GPC5: variants seen among roughly 807,000 people sequenced by gnomAD.
GPC5 encodes glypican 5.
Under a neutral mutation model 53.9 loss-of-function variants are expected in GPC5, and 47 were observed. That is an observed-to-expected ratio of 0.87 (90% CI 0.69 to 1.11). The LOEUF is 1.11. GPC5 is among the 50% of genes most tolerant of loss of function. GPC5 has a pLI of 0.00. For synonymous variants in GPC5, 286 were observed against 263.3 expected (o/e 1.09, Z -0.84); for missense variants, 748 against 713.1 (o/e 1.05, Z -0.56).
chr13:92,275,961 G>T (rs1186034237), intron 7 of GPC5, among the ~76,000 whole-genome samples: 1 of 152,022 alleles, frequency 6.6e-6, no homozygotes, highest in Non-Finnish European at 1.5e-5. Flanking sequence ...TTATTTCAAA[G>T]GAAAACATAT....
At chr13:92,460,344 A>G (rs1480539291) in intron 7 of GPC5, among the ~76,000 whole-genome samples, 2 of 152,174 alleles carry the variant, frequency 1.3e-5, no homozygotes, top group Non-Finnish European at 2.9e-5. Context: ...TGGCATGTAC[A>G]AGGCATACAT....
intron 7 of GPC5, among the ~76,000 whole-genome samples, chr13:92,785,102 C>A (rs1876169067): frequency 6.6e-6 from 1 of 152,002 alleles, no homozygotes; most frequent in Non-Finnish European, 1.5e-5. Context: ...ATGATGAAAC[C>A]CTGTCTCTAC....
chr13:92,670,752 G>T (rs1366626522), intron 7 of GPC5, among the ~76,000 whole-genome samples: 1 of 152,186 alleles, frequency 6.6e-6, no homozygotes, highest in African/African-American at 2.4e-5. Context: ...CCTATCTCTT[G>T]TGTCTACAAG....
At chr13:91,652,574 T>C (rs1157701635) in intron 2 of GPC5, among the ~76,000 whole-genome samples, 1 of 152,158 alleles carries the variant, frequency 6.6e-6, no homozygotes, top group Non-Finnish European at 1.5e-5. Flanking sequence ...AGGTAGGATA[T>C]ACAGCACAAA....
At chr13:91,644,910 G>A (rs911203378) in intron 2 of GPC5, among the ~76,000 whole-genome samples, 2 of 152,204 alleles carry the variant, frequency 1.3e-5, no homozygotes, top group South Asian at 4.1e-4. Context: ...CTTAAAGACT[G>A]TTACTCAACA....
At chr13:92,558,162 G>A (rs1008919220) in intron 7 of GPC5, among the ~76,000 whole-genome samples, 1 of 151,918 alleles carries the variant, frequency 6.6e-6, no homozygotes, top group Non-Finnish European at 1.5e-5. Flanking sequence ...AGACATCTGT[G>A]GCATAATTGA....
chr13:92,865,590 G>T (rs1263593593), intron 7 of GPC5, among the ~76,000 whole-genome samples: 1 of 151,990 alleles, frequency 6.6e-6, no homozygotes, highest in East Asian at 1.9e-4. Context: ...GCGCAGCATG[G>T]TAACTATCAT....
At chr13:92,634,863 T>C (rs1885363876) in intron 7 of GPC5, among the ~76,000 whole-genome samples, 1 of 152,066 alleles carries the variant, frequency 6.6e-6, no homozygotes. Context: ...ATTCCTTTAA[T>C]ATTTTAAGTT....
At chr13:91,461,366 A>G (rs190619820) in intron 2 of GPC5, among the ~76,000 whole-genome samples, 2 of 152,164 alleles carry the variant, frequency 1.3e-5, no homozygotes, top group Admixed American at 6.6e-5. Context: ...TTGTGATAGG[A>G]TAGGGAATAT....
At chr13:92,493,635 G>A (rs1287384756) in intron 7 of GPC5, among the ~76,000 whole-genome samples, 1 of 152,166 alleles carries the variant, frequency 6.6e-6, no homozygotes, top group Non-Finnish European at 1.5e-5. Context: ...CGTCTTGGTT[G>A]TGTTCAGAGT....
chr13:92,329,939 G>C (rs1157795995), intron 7 of GPC5, among the ~76,000 whole-genome samples: 1 of 152,094 alleles, frequency 6.6e-6, no homozygotes, highest in Admixed American at 6.6e-5. Context: ...AAGAGGCTTT[G>C]ATGTTTTTCA....
At chr13:91,535,324 C>T (rs1252072615) in intron 2 of GPC5, among the ~76,000 whole-genome samples, 2 of 152,038 alleles carry the variant, frequency 1.3e-5, no homozygotes, top group African/African-American at 4.8e-5. Flanking sequence ...TATATTGGTC[C>T]TCCAGTTGTC....
chr13:91,490,851 G>T (rs681903), intron 2 of GPC5, among the ~76,000 whole-genome samples: 79,884 of 151,876 alleles, frequency 0.53, 21,497 homozygotes, highest in Non-Finnish European at 0.6. Context: ...GCAGTTTATA[G>T]TCACCATCTC....
In GPC5 at chr13:92,502,552, C is replaced by T. The variant is rs148161293; in HGVS notation, c.1561+357563C>T. On this transcript the variant is annotated intron_variant, in intron 7 of 7. Transcript: ENST00000377067. ...TGAGAAAATAATATATATGCACACA[C>T]GAACAAAAACAAAGCTGGAGTGGCT... 1.8e-4 allele frequency among the ~76,000 whole-genome samples: 27 copies of T among 151,984 alleles called. No homozygotes were observed. In the East Asian group the frequency reaches 3.7e-3, roughly 21 times the overall value.
chr13:92,048,277 T>TG (rs2040999748), intron 6 of GPC5, among the ~76,000 whole-genome samples: 2 of 150,934 alleles, frequency 1.3e-5, no homozygotes, highest in Non-Finnish European at 3.0e-5. Flanking sequence ...GTAACATATA[T>TG]TATATGTAAT....
chr13:92,397,849 G>T (rs917189573), intron 7 of GPC5, among the ~76,000 whole-genome samples: 1 of 152,076 alleles, frequency 6.6e-6, no homozygotes, highest in Non-Finnish European at 1.5e-5. Context: ...ATCTCAGATG[G>T]TTGAAAGATA....
At chr13:92,856,732 A>AAT (rs1458118053) in intron 7 of GPC5, among the ~76,000 whole-genome samples, 1 of 152,052 alleles carries the variant, frequency 6.6e-6, no homozygotes, top group Non-Finnish European at 1.5e-5. Flanking sequence ...TCCCATTTGT[A>AAT]ATAGCCTTAA....
intron 7 of GPC5, chr13:92,340,387 T>C (rs1052643304): frequency 9.9e-5 from 15 of 152,236 alleles, no homozygotes; most frequent in Admixed American, 2.0e-4. Flanking sequence ...GAAATCTGAC[T>C]GAACCTAACT....
intron 6 of GPC5, among the ~76,000 whole-genome samples, chr13:92,142,030 T>C (rs184247238): frequency 3.7e-4 from 56 of 152,168 alleles, no homozygotes; most frequent in Admixed American, 6.5e-4. Flanking sequence ...GTCTAACTTC[T>C]GGTGATAGTC....
Sources: allele counts gnomAD v4.1 joint callset (sites outside exome capture counted in the v4.1 genomes callset), GRCh38; gene constraint gnomAD v4.1.1; transcripts MANE v1.5; gene names NCBI Gene and HGNC (gene_info 2026-07-23, HGNC 2026-07-21).